CDK17: variants seen among roughly 807,000 people sequenced by gnomAD.
The protein encoded by CDK17 is cyclin dependent kinase 17, also known as cyclin-dependent kinase 17.
CDK17 carries 24 observed loss-of-function variants against 77.6 expected under a neutral mutation model. The observed-to-expected ratio is 0.31, with a 90% confidence interval of 0.22 to 0.44. CDK17 has a LOEUF of 0.44. Among genes scored for constraint, CDK17 ranks in the 20% least tolerant of loss-of-function variants. CDK17 has a pLI of 1.00. For missense variants in CDK17, 429 were observed against 622.5 expected, an observed-to-expected ratio of 0.69 and a Z score of 3.31; for synonymous variants, 203 against 210.4, an observed-to-expected ratio of 0.96 and a Z score of 0.30.
intron 1 of CDK17, among the ~76,000 whole-genome samples, chr12:96,347,393 G>A (rs1387112975): frequency 6.6e-6 from 1 of 151,382 alleles, no homozygotes; most frequent in East Asian, 1.9e-4. Flanking sequence ...GTGAGAACTC[G>A]TCTTTACTAA....
At chr12:96,292,666 G>A (rs1012398181) in intron 10 of CDK17, among the ~76,000 whole-genome samples, 10 of 152,092 alleles carry the variant, frequency 6.6e-5, no homozygotes, top group African/African-American at 2.4e-4. Flanking sequence ...ATTTAGTTAT[G>A]GAAAACTGCA....
chr12:96,357,144 T>C (rs372510775), intron 1 of CDK17, among the ~76,000 whole-genome samples: 1 of 152,050 alleles, frequency 6.6e-6, no homozygotes, highest in African/African-American at 2.4e-5. Context: ...AATGGTTATA[T>C]ACAAAAGGGG....
At chr12:96,282,695 A>C in intron 14 of CDK17, 96 bp from the exon 15 acceptor site, 1 of 724,970 alleles carries the variant, frequency 1.4e-6, no homozygotes, top group Non-Finnish European at 2.4e-6. Flanking sequence ...ACTTAAAAAA[A>C]ATCTTGATTA....
At chr12:96,390,935 A>C (rs1056849088) in intron 1 of CDK17, among the ~76,000 whole-genome samples, 8 of 151,750 alleles carry the variant, frequency 5.3e-5, no homozygotes, top group East Asian at 2.0e-4. Flanking sequence ...AAAAATACAA[A>C]AATTAGCCAG....
At chr12:96,282,310 CA>C (rs1285038047) in intron 15 of CDK17, 198 bp downstream of exon 15, 2 of 501,844 alleles carry the variant, frequency 4.0e-6, no homozygotes, top group Non-Finnish European at 7.1e-6. Flanking sequence ...AGAGGAGTGA[CA>C]ATGTGCTCAG....
At chr12:96,385,411 G>C (rs761713636) in intron 1 of CDK17, among the ~76,000 whole-genome samples, 2 of 152,126 alleles carry the variant, frequency 1.3e-5, no homozygotes, top group Non-Finnish European at 2.9e-5. Flanking sequence ...CACATACTAT[G>C]CTCACTACCA....
chr12:96,325,571 T>A (rs778902273), intron 2 of CDK17, among the ~76,000 whole-genome samples: 3 of 151,916 alleles, frequency 2.0e-5, no homozygotes, highest in Admixed American at 6.6e-5. Flanking sequence ...CCTAAAAGGG[T>A]ATAAGAAGGA....
At chr12:96,291,704 C>T (rs1419343639) in intron 10 of CDK17, among the ~76,000 whole-genome samples, 4 of 150,032 alleles carry the variant, frequency 2.7e-5, no homozygotes, top group South Asian at 2.1e-4. Context: ...CTGCAACCTC[C>T]GCCTCCCGGG....
chr12:96,326,828 G>A (rs898672198), intron 2 of CDK17, among the ~76,000 whole-genome samples: 1 of 152,204 alleles, frequency 6.6e-6, no homozygotes, highest in African/African-American at 2.4e-5. Context: ...GTGGTACCAG[G>A]TGAGACCACA....
chr12:96,391,289 T>C (rs892285297), intron 1 of CDK17, among the ~76,000 whole-genome samples: 2 of 151,694 alleles, frequency 1.3e-5, no homozygotes, highest in Non-Finnish European at 2.9e-5. Context: ...TTTTTGATTT[T>C]TTTTTTCTTT....
chr12:96,370,878 G>C (rs1444789384), intron 1 of CDK17, among the ~76,000 whole-genome samples: 3 of 151,954 alleles, frequency 2.0e-5, no homozygotes, highest in African/African-American at 7.3e-5. Context: ...TAAGGTTTCT[G>C]TTTTCGTATC....
chr12:96,393,279 C>T (rs1475920772), intron 1 of CDK17, among the ~76,000 whole-genome samples: 1 of 130,440 alleles, frequency 7.7e-6, no homozygotes, highest in African/African-American at 3.0e-5. Flanking sequence ...CAGGGAGAAT[C>T]GCTTGAACCC....
Position 96,324,034 on chromosome 12 carries a change from T to C in CDK17, c.197A>G (p.Lys66Arg). Reference sequence around the variant, plus strand: ...GTGTGGTCTCCGCAATGGGGGCTTCTTGAAAGATCCTGTGTACTGGTGGAG... The same window carrying C: ...GTGTGGTCTCCGCAATGGGGGCTTCCTGAAAGATCCTGTGTACTGGTGGAG... Reference protein sequence around the residue: ...SFLHQYTGSFKKPPLRRPHSV... With the variant: ...SFLHQYTGSFRKPPLRRPHSV... The change falls in exon 3 of 17, where the codon AAG (lysine) becomes AGG (arginine). Residue 66 changes from lysine to arginine, a missense_variant. This residue lies in a region of CDK17 where 262 missense variants were observed against 385.4 expected (regional missense o/e 0.68). Coordinates refer to ENST00000261211, the MANE Select transcript of CDK17 (RefSeq NM_002595.5). The C allele has an allele frequency of 1.2e-6, 2 of 1,612,580 alleles. No individual in the cohort carries two copies. The highest frequency in any genetic ancestry group is 1.7e-6 in the Non-Finnish European group (2 of 1,179,278).
At chr12:96,298,160 G>A (rs965830483) in intron 7 of CDK17, among the ~76,000 whole-genome samples, 8 of 151,890 alleles carry the variant, frequency 5.3e-5, no homozygotes, top group African/African-American at 1.7e-4. Context: ...GATGGCGGAC[G>A]CCTGTAGTTC....
Position 96,313,370 on chromosome 12 carries a change from G to C in CDK17, c.368C>G (p.Pro123Arg). The C allele has an allele frequency of 6.3e-7, 1 of 1,599,354 alleles. No homozygotes were observed. Among genetic ancestry groups the C allele is most frequent in the Non-Finnish European group, 8.5e-7 (1 of 1,174,340 alleles). ...ACGATTTCTGAGACAAACACCTGTA[G>C]GTGACTGGACTTCATCAGATGATGT... is the stretch of plus-strand genomic sequence containing the variant. ...SGTSSDEVQS[P>R]TGVCLRNRIH... The change falls in exon 4 of 17, where the codon CCT (proline) becomes CGT (arginine). Residue 123 changes from proline (P) to arginine (R), a missense_variant. By Grantham distance (103) the Pro-to-Arg change is moderately radical. Transcript: ENST00000261211.
At chr12:96,327,653 T>G (rs1196054631) in intron 2 of CDK17, among the ~76,000 whole-genome samples, 1 of 151,886 alleles carries the variant, frequency 6.6e-6, no homozygotes, top group Non-Finnish European at 1.5e-5. Flanking sequence ...GCTCATGTGG[T>G]CCTCCCACTT....
Position 96,400,313 on chromosome 12 carries a change from ACTGT to A in CDK17, c.-361_-358del, listed in dbSNP as rs1356299716. On this transcript the variant is annotated 5_prime_UTR_variant, in exon 1 of 17. Transcript: ENST00000261211. Reference sequence around the variant, plus strand: ...CGGCGGGCGCCGACGGCGGGCTGAGACTGTCTGGCCGGGCGCTGGCTCCTTCTCC... The same window carrying A: ...CGGCGGGCGCCGACGGCGGGCTGAGACTGGCCGGGCGCTGGCTCCTTCTCC... 17 of 388,844 alleles carry A rather than the reference ACTGT, an allele frequency of 4.4e-5. No individual in the cohort carries two copies. Among genetic ancestry groups the A allele is most frequent in the Middle Eastern group, 6.4e-4 (1 of 1,562 alleles). The allele number at this position is 388,844 out of a possible 1,614,324, so 24.1% of individuals were successfully genotyped here.
intron 7 of CDK17, 82 bp downstream of exon 7, chr12:96,298,787 A>G (rs917488190): frequency 8.5e-6 from 6 of 706,604 alleles, no homozygotes; most frequent in Non-Finnish European, 1.4e-5. Context: ...TATTACTTGT[A>G]TATCTGAGCT....
At chr12:96,387,354 C>T (rs1953992808) in intron 1 of CDK17, among the ~76,000 whole-genome samples, 1 of 152,166 alleles carries the variant, frequency 6.6e-6, no homozygotes, top group South Asian at 2.1e-4. Context: ...TCTAAAACTC[C>T]AGGATCTATC....
Sources: gnomAD v4.1 joint callset for allele counts (sites outside exome capture counted in the v4.1 genomes callset) on GRCh38, gnomAD v4.1.1 for gene constraint, gnomAD v4.1.1 regional missense constraint, MANE v1.5 for transcripts, NCBI Gene and HGNC (gene_info 2026-07-23, HGNC 2026-07-21) for gene names.